TMC1: variants seen among roughly 807,000 people sequenced by gnomAD.
TMC1 encodes the protein transmembrane channel like 1, also known as transmembrane channel-like protein 1.
TMC1 carries 84 observed loss-of-function variants against 105.8 expected under a neutral mutation model. That is an observed-to-expected ratio of 0.79 (90% CI 0.67 to 0.95). TMC1 has a LOEUF of 0.95. Ranked by LOEUF, TMC1 falls within the 40% of genes least tolerant of loss-of-function variation. The pLI, the probability that TMC1 is intolerant of heterozygous loss-of-function variation, is 0.00. For synonymous variants in TMC1, 315 were observed against 311.5 expected, an observed-to-expected ratio of 1.01 and a Z score of -0.12; for missense variants, 817 against 914.1, an observed-to-expected ratio of 0.89 and a Z score of 1.37.
At chr9:72,717,566 G>A (rs373110971) in intron 8 of TMC1, among the ~76,000 whole-genome samples, 60 of 152,244 alleles carry the variant, frequency 3.9e-4, no homozygotes, top group East Asian at 3.5e-3. Flanking sequence ...ATGAAGCTTA[G>A]GATACAAAAC....
intron 1 of TMC1, among the ~76,000 whole-genome samples, chr9:72,570,230 A>AGTGTGTGTGTGTGTGTGTGT (rs3223165): frequency 1.4e-4 from 21 of 145,710 alleles, no homozygotes; most frequent in African/African-American, 4.8e-4. Flanking sequence ...CTCAAAGAGT[A>AGTGTGTGTGTGTGTGTGTGT]GTGTGTGTGT....
At chr9:72,812,261 T>G (rs957417289) in intron 18 of TMC1, among the ~76,000 whole-genome samples, 3 of 152,214 alleles carry the variant, frequency 2.0e-5, no homozygotes, top group African/African-American at 7.2e-5. Flanking sequence ...GAAGATCAAC[T>G]GTTCTCTAGC....
chr9:72,554,645 G>T (rs866850964), intron 1 of TMC1, among the ~76,000 whole-genome samples: 7 of 152,170 alleles, frequency 4.6e-5, no homozygotes, highest in Admixed American at 2.0e-4. Context: ...AGGGAAGCTG[G>T]TTTCAACCAT....
intron 9 of TMC1, among the ~76,000 whole-genome samples, 161 bp downstream of exon 9, chr9:72,740,370 G>A (rs1827367763): frequency 1.3e-5 from 2 of 151,972 alleles, no homozygotes; most frequent in Admixed American, 6.6e-5. Flanking sequence ...AATTTACAGG[G>A]GAGATTTAAA....
intron 1 of TMC1, among the ~76,000 whole-genome samples, chr9:72,568,331 C>T (rs1013598453): frequency 6.6e-6 from 1 of 152,160 alleles, no homozygotes; most frequent in Admixed American, 6.6e-5. Context: ...ATGTTTCTTA[C>T]ACTTTTGGCT....
chr9:72,572,229 C>A (rs753052998), intron 1 of TMC1, among the ~76,000 whole-genome samples: 4 of 149,822 alleles, frequency 2.7e-5, no homozygotes, highest in Non-Finnish European at 5.9e-5. Flanking sequence ...CAGGATCTCA[C>A]TTGGTCACCC....
intron 13 of TMC1, among the ~76,000 whole-genome samples, chr9:72,779,581 G>C (rs67813191): frequency 6.6e-6 from 1 of 152,144 alleles, no homozygotes; most frequent in South Asian, 2.1e-4. Context: ...TGATCTGATA[G>C]AGCTGAAAAC....
chr9:72,535,837 T>C (rs1026393859), intron 1 of TMC1, among the ~76,000 whole-genome samples: 1 of 152,188 alleles, frequency 6.6e-6, no homozygotes, highest in Non-Finnish European at 1.5e-5. Context: ...GGTGCCAGGC[T>C]CTTTTTAACA....
intron 6 of TMC1, among the ~76,000 whole-genome samples, chr9:72,688,991 A>G (rs1375998022): frequency 6.6e-6 from 1 of 152,106 alleles, no homozygotes; most frequent in Non-Finnish European, 1.5e-5. Context: ...TGAAAAATCA[A>G]CAAGCAAAAG....
At chr9:72,551,520 T>C (rs1474959110) in intron 1 of TMC1, among the ~76,000 whole-genome samples, 1 of 152,156 alleles carries the variant, frequency 6.6e-6, no homozygotes, top group Non-Finnish European at 1.5e-5. Context: ...AAGCAGATGG[T>C]GTGGGGGATT....
chr9:72,751,456 C>T (rs1208311082), intron 10 of TMC1, among the ~76,000 whole-genome samples: 1 of 152,194 alleles, frequency 6.6e-6, no homozygotes, highest in Admixed American at 6.5e-5. Flanking sequence ...ATAGTGATAG[C>T]TAATTACTAG....
intron 1 of TMC1, among the ~76,000 whole-genome samples, chr9:72,554,005 G>C (rs1015349278): frequency 6.6e-6 from 1 of 152,018 alleles, no homozygotes; most frequent in African/African-American, 2.4e-5. Flanking sequence ...ACTCACAATT[G>C]CTCCACTTTC....
At chr9:72,688,866 G>A in intron 6 of TMC1, 110 bp downstream of exon 6, 2 of 937,422 alleles carry the variant, frequency 2.1e-6, no homozygotes. Flanking sequence ...AAGTGTGTGT[G>A]GATAACTTTT....
chr9:72,525,983 G>A (rs1277047419), intron 1 of TMC1, among the ~76,000 whole-genome samples: 1 of 128,162 alleles, frequency 7.8e-6, no homozygotes, highest in Non-Finnish European at 1.6e-5. Flanking sequence ...GTGAGACTCC[G>A]TCTCAAAAAA....
chr9:72,650,820 A>G (rs1825792551), intron 5 of TMC1, among the ~76,000 whole-genome samples: 1 of 147,794 alleles, frequency 6.8e-6, no homozygotes, highest in Non-Finnish European at 1.5e-5. Context: ...GTTCCCACAT[A>G]AGATATAATC....
At chr9:72,809,818 T>C (rs35261303) in intron 18 of TMC1, among the ~76,000 whole-genome samples, 27,783 of 152,130 alleles carry the variant, frequency 0.18, 2,785 homozygotes, top group African/African-American at 0.24. Flanking sequence ...GAGAAACCAC[T>C]GCCATCTGCA....
intron 1 of TMC1, among the ~76,000 whole-genome samples, chr9:72,557,943 G>A (rs1300233745): frequency 6.6e-6 from 1 of 152,138 alleles, no homozygotes; most frequent in East Asian, 1.9e-4. Context: ...CAGTGTGGAA[G>A]GCTTCAGACC....
At chr9:72,525,272 G>C (rs534021554) in intron 1 of TMC1, among the ~76,000 whole-genome samples, 1 of 152,136 alleles carries the variant, frequency 6.6e-6, no homozygotes, top group Non-Finnish European at 1.5e-5. Context: ...CCTATTCCTT[G>C]TAAGTAGGAC....
At chr9:72,537,911 T>TAA (rs1823609951) in intron 1 of TMC1, among the ~76,000 whole-genome samples, 1 of 152,060 alleles carries the variant, frequency 6.6e-6, no homozygotes, top group Non-Finnish European at 1.5e-5. Context: ...CTAGCACTTT[T>TAA]AGGAGGCTGA....
Sources: gnomAD v4.1 joint callset for allele counts (sites outside exome capture counted in the v4.1 genomes callset) on GRCh38, gnomAD v4.1.1 for gene constraint, MANE v1.5 for transcripts, NCBI Gene and HGNC (gene_info 2026-07-23, HGNC 2026-07-21) for gene names.